KCNIP4: variants seen among roughly 807,000 people sequenced by gnomAD.
KCNIP4 encodes the protein potassium voltage-gated channel interacting protein 4.
Under a neutral mutation model 34.0 loss-of-function variants are expected in KCNIP4, and 12 were observed. The observed-to-expected ratio is 0.35, with a 90% CI of 0.23 to 0.57. KCNIP4 has a LOEUF of 0.57. Ranked by LOEUF, KCNIP4 falls within the 20% of genes least tolerant of loss-of-function variation. The pLI, the probability that KCNIP4 is intolerant of heterozygous loss-of-function variation, is 0.83. For synonymous variants in KCNIP4, 124 were observed against 102.2 expected, an observed-to-expected ratio of 1.21 and a Z score of -1.29; for missense variants, 238 against 311.7, an observed-to-expected ratio of 0.76 and a Z score of 1.78.
intron 1 of KCNIP4, among the ~76,000 whole-genome samples, chr4:20,960,292 G>A (rs566715848): frequency 6.6e-6 from 1 of 152,062 alleles, no homozygotes; most frequent in Non-Finnish European, 1.5e-5. Context: ...GCCCTCCAGA[G>A]TTTTTAAAAA....
intron 1 of KCNIP4, among the ~76,000 whole-genome samples, chr4:21,293,641 C>T (rs115775829): frequency 3.7e-4 from 56 of 152,258 alleles, no homozygotes; most frequent in African/African-American, 1.3e-3. Flanking sequence ...TCTGTGTTCC[C>T]AGTCATGAAT....
In KCNIP4 at chr4:20,850,626, G is replaced by T. The variant is rs548454366; in HGVS notation, c.205C>A (p.Arg69=). ...DELEMATVRH[R]PEALELLEAQ... ...TCCAGAAGCTCAAGGGCTTCAGGCC[G>T]ATGCCTGACGGTGGCCATCTCCAGT... is the stretch of plus-strand genomic sequence containing the variant. Residue 69 remains arginine, a synonymous_variant, in exon 3 of 9, where the codon CGG becomes AGG. Transcript: ENST00000382152. 2.6e-5 allele frequency: 42 copies of T among 1,612,324 alleles called. No homozygotes were observed. Among genetic ancestry groups the T allele is most frequent in the Non-Finnish European group, 3.5e-5 (41 of 1,179,562 alleles).
intron 1 of KCNIP4, among the ~76,000 whole-genome samples, chr4:21,257,926 C>CA (rs1472689742): frequency 2.0e-5 from 3 of 152,172 alleles, no homozygotes; most frequent in Non-Finnish European, 2.9e-5. Flanking sequence ...GGCAGCTATG[C>CA]AAAGTAGCAA....
intron 3 of KCNIP4, among the ~76,000 whole-genome samples, chr4:20,827,117 G>A (rs1717855471): frequency 6.6e-6 from 1 of 152,176 alleles, no homozygotes; most frequent in South Asian, 2.1e-4. Flanking sequence ...AGCTTTCTAA[G>A]CATAGTGGAG....
chr4:20,869,820 C>T (rs1402626828), intron 2 of KCNIP4, among the ~76,000 whole-genome samples: 2 of 152,026 alleles, frequency 1.3e-5, no homozygotes, highest in African/African-American at 4.8e-5. Flanking sequence ...TCTAACACAG[C>T]ACTTTCTGAG....
chr4:20,735,013 G>C (rs1398319109), intron 5 of KCNIP4, among the ~76,000 whole-genome samples: 2 of 152,164 alleles, frequency 1.3e-5, no homozygotes, highest in Non-Finnish European at 2.9e-5. Flanking sequence ...TTGAGTATAA[G>C]TGGTATTGGC....
intron 1 of KCNIP4, among the ~76,000 whole-genome samples, chr4:21,169,660 T>TTGTG (rs58544791): frequency 0.048 from 6,559 of 135,940 alleles, 184 homozygotes; most frequent in Middle Eastern, 0.064. Flanking sequence ...TACTTTATAT[T>TTGTG]TGTGTGTGTG....
chr4:21,369,899 G>T (rs1720161697), intron 1 of KCNIP4, among the ~76,000 whole-genome samples: 1 of 143,446 alleles, frequency 7.0e-6, no homozygotes, highest in Non-Finnish European at 1.5e-5. Flanking sequence ...TCTGCTCACT[G>T]CAAGCTCTGT....
At chr4:21,520,380 G>A (rs1577514953) in intron 1 of KCNIP4, among the ~76,000 whole-genome samples, 1 of 152,220 alleles carries the variant, frequency 6.6e-6, no homozygotes, top group East Asian at 1.9e-4. Flanking sequence ...TGTCGTTTAA[G>A]CCACCAGGTC....
chr4:21,728,195 T>C (rs902562206), intron 1 of KCNIP4, among the ~76,000 whole-genome samples: 3 of 152,174 alleles, frequency 2.0e-5, no homozygotes, highest in African/African-American at 4.8e-5. Flanking sequence ...ACACAGCCAA[T>C]TGGATGTATA....
At chr4:21,130,323 T>G (rs977639910) in intron 1 of KCNIP4, among the ~76,000 whole-genome samples, 99 of 152,324 alleles carry the variant, frequency 6.5e-4, no homozygotes, top group African/African-American at 2.3e-3. Context: ...TGTTTGAGAA[T>G]CACCGCAATT....
chr4:20,787,176 A>G (rs28700108), intron 3 of KCNIP4, among the ~76,000 whole-genome samples: 2,504 of 152,270 alleles, frequency 0.016, 59 homozygotes, highest in African/African-American at 0.057. Context: ...TCAAACTGTA[A>G]TATCTGTCCT....
intron 1 of KCNIP4, among the ~76,000 whole-genome samples, chr4:21,526,506 G>A (rs548751528): frequency 6.6e-6 from 1 of 152,178 alleles, no homozygotes; most frequent in South Asian, 2.1e-4. Context: ...TCATCTGTAT[G>A]TAACAAAATT....
At chr4:21,751,559 G>C (rs1270161820) in intron 1 of KCNIP4, among the ~76,000 whole-genome samples, 1 of 152,134 alleles carries the variant, frequency 6.6e-6, no homozygotes, top group Admixed American at 6.6e-5. Flanking sequence ...GCTAGGTAAA[G>C]GGTGCATAAG....
chr4:21,133,643 T>G (rs986222562), intron 1 of KCNIP4, among the ~76,000 whole-genome samples: 2 of 117,902 alleles, frequency 1.7e-5, no homozygotes, highest in African/African-American at 7.7e-5. Context: ...AAATGCCACT[T>G]AGTAAATGCC....
chr4:21,598,837 C>T (rs1353780403), intron 1 of KCNIP4, among the ~76,000 whole-genome samples: 1 of 152,100 alleles, frequency 6.6e-6, no homozygotes, highest in African/African-American at 2.4e-5. Flanking sequence ...GTCTCCATGT[C>T]TTTCCACAGT....
chr4:21,687,737 T>C (rs1203623129), intron 1 of KCNIP4, among the ~76,000 whole-genome samples: 4 of 152,106 alleles, frequency 2.6e-5, no homozygotes, highest in Non-Finnish European at 4.4e-5. Flanking sequence ...GGTGACCCTC[T>C]CTGTAAAAGA....
chr4:21,588,854 G>A (rs1372022625), intron 1 of KCNIP4, among the ~76,000 whole-genome samples: 1 of 151,158 alleles, frequency 6.6e-6, no homozygotes, highest in Non-Finnish European at 1.5e-5. Flanking sequence ...AAGTCACTAC[G>A]ACATAAGGAT....
intron 1 of KCNIP4, among the ~76,000 whole-genome samples, chr4:21,608,473 C>T (rs564653104): frequency 5.3e-5 from 8 of 152,270 alleles, no homozygotes; most frequent in South Asian, 2.1e-4. Context: ...GCTTGTGTCT[C>T]CTTCCTCCAT....
Sources: allele counts gnomAD v4.1 joint callset (sites outside exome capture counted in the v4.1 genomes callset), GRCh38; gene constraint gnomAD v4.1.1; transcripts MANE v1.5; gene names NCBI Gene and HGNC (gene_info 2026-07-23, HGNC 2026-07-21).